The following RGS21 variants were observed in gnomAD, a reference collection of about 807,000 sequenced individuals.
RGS21 encodes the protein regulator of G-protein signalling 21.
In RGS21, 19 loss-of-function variants were observed where a neutral mutation model predicts 18.7. The ratio of observed to expected loss-of-function variants is 1.01; its 90% CI spans 0.71 to 1.49. The LOEUF is 1.49. Ranked by LOEUF, RGS21 falls within the 40% of genes most tolerant of loss-of-function variation. The probability of loss-of-function intolerance (pLI) is 0.00; values close to 1 mark genes in which losing one functional copy is unlikely to be tolerated. For synonymous variants in RGS21, 56 were observed against 57.8 expected (o/e 0.97, Z 0.14); for missense variants, 194 against 176.8 (o/e 1.10, Z -0.55).
At chr1:192,344,014 TA>T (rs982929085) in intron 2 of RGS21, among the ~76,000 whole-genome samples, 46 of 152,076 alleles carry the variant, frequency 3.0e-4, no homozygotes, top group African/African-American at 1.1e-3. Context: ...TTACATTTTT[TA>T]AAAACAGAAG....
rs568881968 is a variant in RGS21 at position 192,354,334 on chromosome 1, C to T, written c.255+2121C>T. Among the ~76,000 whole-genome samples the T allele has an allele frequency of 5.3e-5, 8 of 151,640 alleles. No homozygotes were observed. The South Asian group carries it at 6.2e-4, about 12-fold the overall frequency. On this transcript the variant is annotated intron_variant, in intron 4 of 4. Transcript: ENST00000417209. ...ACCTGGAGAGTTAAAGTTAGATTTG[C>T]GGTGTGGTTCACACATGAAAAATGA...
intron 3 of RGS21, among the ~76,000 whole-genome samples, chr1:192,350,901 C>A (rs1659031572): frequency 6.6e-6 from 1 of 152,030 alleles, no homozygotes. Flanking sequence ...GTCACAATAT[C>A]AAATATCTTT....
chr1:192,345,611 G>T (rs1422422690), intron 2 of RGS21, among the ~76,000 whole-genome samples: 1 of 151,976 alleles, frequency 6.6e-6, no homozygotes, highest in Non-Finnish European at 1.5e-5. Context: ...ATCTTTGAAT[G>T]AATTTGTCTA....
At chr1:192,326,188 A>G (rs924667193) in intron 1 of RGS21, among the ~76,000 whole-genome samples, 1 of 152,084 alleles carries the variant, frequency 6.6e-6, no homozygotes, top group Non-Finnish European at 1.5e-5. Flanking sequence ...GTTTGACATG[A>G]CTTTAAAATA....
intron 3 of RGS21, among the ~76,000 whole-genome samples, chr1:192,349,506 G>A (rs984832297): frequency 3.9e-5 from 6 of 152,032 alleles, no homozygotes; most frequent in Non-Finnish European, 4.4e-5. Flanking sequence ...TCCACTTAAC[G>A]CCCTTTGTTG....
In RGS21 at chr1:192,367,113, C is replaced by A. The variant is rs1360084432; in HGVS notation, c.*989C>A. The A allele has an allele frequency of 6.6e-6, 1 of 151,998 alleles. No individual in the cohort carries two copies. The highest frequency in any genetic ancestry group is 2.4e-5 in the African/African-American group (1 of 41,442). 9.4% of individuals were successfully genotyped at this position (151,998 alleles called of 1,614,324 possible). On this transcript the variant is annotated 3_prime_UTR_variant, in exon 5 of 5. Transcript: ENST00000417209. Reference sequence around the variant, plus strand: ...AACAGATCTCCCACGTTTCCATTTTCTTTGCACAGATTTATTTATCTGCAT... The same window carrying A: ...AACAGATCTCCCACGTTTCCATTTTATTTGCACAGATTTATTTATCTGCAT...
chr1:192,353,448 G>T (rs988711868), intron 4 of RGS21, among the ~76,000 whole-genome samples: 1 of 151,870 alleles, frequency 6.6e-6, no homozygotes, highest in Non-Finnish European at 1.5e-5. Context: ...TTGCATGTAA[G>T]ATTTGTAAGG....
chr1:192,326,881 T>C (rs1056041055), intron 1 of RGS21, among the ~76,000 whole-genome samples: 4 of 152,162 alleles, frequency 2.6e-5, no homozygotes, highest in African/African-American at 9.6e-5. Context: ...CAGATCTGCA[T>C]AATTCTAATA....
At position 192,343,010 on chromosome 1, in the gene RGS21, C is replaced by T. The variant is rs1415862606; in HGVS notation, c.-27C>T. Reference sequence around the variant, plus strand: ...TCAGTCAGAAAGAGAAACTCGGCATCATCTGTGACAGACAGTGGAACGAAA... The same window carrying T: ...TCAGTCAGAAAGAGAAACTCGGCATTATCTGTGACAGACAGTGGAACGAAA... On this transcript the variant is annotated 5_prime_UTR_variant, in exon 2 of 5. Coordinates refer to ENST00000417209, the MANE Select transcript of RGS21 (RefSeq NM_001039152.3). 4 of 1,611,724 alleles carry T rather than the reference C, an allele frequency of 2.5e-6. No homozygotes were observed. The East Asian group carries it at 8.9e-5, about 36-fold the overall frequency.
At chr1:192,363,703 C>T (rs1310709106) in intron 4 of RGS21, among the ~76,000 whole-genome samples, 1 of 152,092 alleles carries the variant, frequency 6.6e-6, no homozygotes, top group African/African-American at 2.4e-5. Flanking sequence ...TCTACAAGAC[C>T]TGGCCTGGAT....
chr1:192,318,677 T>C (rs1658452877), intron 1 of RGS21, among the ~76,000 whole-genome samples: 1 of 152,126 alleles, frequency 6.6e-6, no homozygotes. Flanking sequence ...CTTAAAATGA[T>C]ATTGATTAAT....
chr1:192,365,658 C>A (rs1364384565), intron 4 of RGS21, among the ~76,000 whole-genome samples: 1 of 152,018 alleles, frequency 6.6e-6, no homozygotes. Flanking sequence ...ATCTTGCTTG[C>A]TTTTTCACTT....
At chr1:192,344,709 T>A (rs1463579509) in intron 2 of RGS21, among the ~76,000 whole-genome samples, 1 of 152,120 alleles carries the variant, frequency 6.6e-6, no homozygotes, top group Non-Finnish European at 1.5e-5. Flanking sequence ...GAAAAGTAAA[T>A]GCTATGTTAC....
chr1:192,333,511 G>T (rs1472647443), intron 1 of RGS21, among the ~76,000 whole-genome samples: 2 of 151,636 alleles, frequency 1.3e-5, no homozygotes, highest in African/African-American at 4.8e-5. Flanking sequence ...AAAGGCAAGG[G>T]CTAGTCACAT....
In RGS21 at chr1:192,343,153, G is replaced by A. The variant is rs138832987; in HGVS notation, c.11+106G>A. On this transcript the variant is annotated intron_variant, in intron 2 of 4. Coordinates refer to ENST00000417209, the MANE Select transcript of RGS21 (RefSeq NM_001039152.3). ...TATTTCCTTCATTTATGATAAATAC[G>A]CTAATTGTTGTCTTCCTGATTTTTT... 7.4e-4 allele frequency: 778 copies of A among 1,051,172 alleles called. 2 individuals are homozygous for A. In the African/African-American group the frequency reaches 9.4e-3, roughly 13 times the overall value. 65.1% of individuals were successfully genotyped at this position (1,051,172 alleles called of 1,614,324 possible).
intron 4 of RGS21, 74 bp downstream of exon 4, chr1:192,352,287 C>G: frequency 9.7e-7 from 1 of 1,027,956 alleles, no homozygotes; most frequent in Non-Finnish European, 1.3e-6. Context: ...ACCTTAAATC[C>G]ATCTAAAAGA....
intron 1 of RGS21, among the ~76,000 whole-genome samples, chr1:192,337,636 G>A (rs1282854775): frequency 2.6e-5 from 4 of 152,012 alleles, no homozygotes; most frequent in Non-Finnish European, 5.9e-5. Context: ...AACACAGGGG[G>A]AGGGGTCAAT....
intron 4 of RGS21, among the ~76,000 whole-genome samples, chr1:192,359,166 A>G (rs1009877966): frequency 3.4e-4 from 52 of 152,254 alleles, no homozygotes; most frequent in African/African-American, 1.2e-3. Flanking sequence ...CAAATAAAAT[A>G]TTATGTTTCA....
chr1:192,359,678 T>TATATATATA (rs1557982435), intron 4 of RGS21, among the ~76,000 whole-genome samples: 6 of 146,170 alleles, frequency 4.1e-5, no homozygotes, highest in East Asian at 2.0e-4. Flanking sequence ...TATATATATA[T>TATATATATA]TCCTGTTTAC....
Sources: gnomAD v4.1 joint callset for allele counts (sites outside exome capture counted in the v4.1 genomes callset) on GRCh38, gnomAD v4.1.1 for gene constraint, MANE v1.5 for transcripts, NCBI Gene and HGNC (gene_info 2026-07-23, HGNC 2026-07-21) for gene names.